The following TMPRSS11D variants were observed in gnomAD, a reference collection of about 807,000 sequenced individuals.
The protein encoded by TMPRSS11D is transmembrane protease serine 11D.
In TMPRSS11D, 32 loss-of-function variants were observed where a neutral mutation model predicts 44.4. That is an observed-to-expected ratio of 0.72 (90% CI 0.54 to 0.97). The LOEUF (loss-of-function observed/expected upper bound fraction) is 0.97. TMPRSS11D is among the 50% of genes least tolerant of loss of function. The pLI, the probability that TMPRSS11D is intolerant of heterozygous loss-of-function variation, is 0.00. For missense variants in TMPRSS11D, 446 were observed against 502.6 expected, an observed-to-expected ratio of 0.89 and a Z score of 1.08; for synonymous variants, 179 against 177.9, an observed-to-expected ratio of 1.01 and a Z score of -0.05.
At chr4:67,835,147 T>C (rs1560538774) in intron 5 of TMPRSS11D, 26 bp from the exon 6 acceptor site, 1 of 1,587,040 alleles carries the variant, frequency 6.3e-7, no homozygotes, top group South Asian at 1.1e-5. Flanking sequence ...GAGAATAAGA[T>C]AAATACAATA....
chr4:67,876,552 C>T (rs1218762910), intron 1 of TMPRSS11D, among the ~76,000 whole-genome samples: 1 of 152,056 alleles, frequency 6.6e-6, no homozygotes, highest in African/African-American at 2.4e-5. Context: ...GGAATCATAG[C>T]ATGTTAGCAA....
intron 6 of TMPRSS11D, 172 bp from the exon 7 acceptor site, chr4:67,833,553 T>A: frequency 2.0e-6 from 1 of 504,468 alleles, no homozygotes; most frequent in Non-Finnish European, 3.1e-6. Context: ...CATTTGTGAC[T>A]ACTGTTGCTT....
intron 1 of TMPRSS11D, among the ~76,000 whole-genome samples, chr4:67,860,942 G>A (rs1718779241): frequency 6.6e-6 from 1 of 152,072 alleles, no homozygotes; most frequent in Non-Finnish European, 1.5e-5. Context: ...CCTGCACATT[G>A]TATGCTGTGG....
intron 5 of TMPRSS11D, 60 bp from the exon 6 acceptor site, chr4:67,835,181 A>G (rs1718046486): frequency 6.7e-7 from 1 of 1,492,274 alleles, no homozygotes; most frequent in Admixed American, 1.7e-5. Flanking sequence ...TTTCACCATA[A>G]TTTCTTAAAG....
At chr4:67,828,635 C>T (rs1360401340) in intron 7 of TMPRSS11D, among the ~76,000 whole-genome samples, 2 of 152,160 alleles carry the variant, frequency 1.3e-5, no homozygotes, top group African/African-American at 4.8e-5. Context: ...AGATCAGCTG[C>T]ACCCAAGGTC....
intron 2 of TMPRSS11D, among the ~76,000 whole-genome samples, chr4:67,854,830 A>G (rs1344770203): frequency 6.6e-6 from 1 of 152,240 alleles, no homozygotes; most frequent in Non-Finnish European, 1.5e-5. Flanking sequence ...CTATTCTACC[A>G]AACCTTAAAA....
At position 67,838,177 on chromosome 4, in the gene TMPRSS11D, A is replaced by G; in HGVS notation, c.470T>C (p.Ile157Thr). The G allele has an allele frequency of 6.5e-7, 1 of 1,540,096 alleles. No homozygotes were observed. Among genetic ancestry groups the G allele is most frequent in the Non-Finnish European group, 8.7e-7 (1 of 1,147,032 alleles). The change falls in exon 5 of 10, where the codon ATA becomes ACA. Residue 157 changes from isoleucine to threonine, a missense_variant. Ile to Thr is a moderately conservative substitution (Grantham distance 89, BLOSUM62 -1). Coordinates refer to ENST00000283916, the MANE Select transcript of TMPRSS11D (RefSeq NM_004262.3). The part of the protein sequence containing the change: ...GNLEINPSTE[I>T]TSLTDQAAAN... ...TTATGAAAAATTATACTTACATGTT[A>G]TCTCAGTTGAAGGGTTTATTTCCAG... is the stretch of plus-strand genomic sequence containing the variant.
chr4:67,858,745 C>T (rs769736297), intron 2 of TMPRSS11D, among the ~76,000 whole-genome samples: 1 of 151,980 alleles, frequency 6.6e-6, no homozygotes, highest in Non-Finnish European at 1.5e-5. Context: ...AAAATAACCT[C>T]AAAGTGTATT....
At chr4:67,874,277 C>G (rs1476863696) in intron 1 of TMPRSS11D, among the ~76,000 whole-genome samples, 1 of 151,052 alleles carries the variant, frequency 6.6e-6, no homozygotes, top group East Asian at 2.0e-4. Context: ...GTTTCCCTGT[C>G]AAGTAACGCA....
chr4:67,827,078 A>AGCATT (rs1464973060), intron 8 of TMPRSS11D, among the ~76,000 whole-genome samples, 183 bp downstream of exon 8: 2 of 152,134 alleles, frequency 1.3e-5, no homozygotes, highest in Non-Finnish European at 2.9e-5. Context: ...TAGTTTCTGG[A>AGCATT]GCATTGCTTT....
In TMPRSS11D at chr4:67,865,339, T is replaced by C. The variant is rs192607644; in HGVS notation, c.9-5661A>G. 1.7e-3 allele frequency among the ~76,000 whole-genome samples: 256 copies of C among 151,612 alleles called. 1 individual carries two copies. The highest frequency in any genetic ancestry group is 3.0e-3 in the Admixed American group (46 of 15,216). Reference sequence around the variant, plus strand: ...AATGAATGAAAATGGAGACAAAACATACCAAACCCTCTAAAATATAGCAAA... The same window carrying C: ...AATGAATGAAAATGGAGACAAAACACACCAAACCCTCTAAAATATAGCAAA... On this transcript the variant is annotated intron_variant, in intron 1 of 9. Coordinates refer to ENST00000283916, the MANE Select transcript of TMPRSS11D (RefSeq NM_004262.3).
intron 2 of TMPRSS11D, among the ~76,000 whole-genome samples, chr4:67,857,348 T>A (rs867831793): frequency 7.6e-5 from 10 of 131,594 alleles, no homozygotes; most frequent in East Asian, 4.7e-4. Context: ...CACACACACA[T>A]ACACAATGGA....
At chr4:67,874,420 A>G (rs1719134690) in intron 1 of TMPRSS11D, among the ~76,000 whole-genome samples, 1 of 152,204 alleles carries the variant, frequency 6.6e-6, no homozygotes, top group Admixed American at 6.5e-5. Flanking sequence ...ACTCATCGTT[A>G]TCTCTACAAA....
chr4:67,867,702 T>C (rs1274042945), intron 1 of TMPRSS11D, among the ~76,000 whole-genome samples: 2 of 151,786 alleles, frequency 1.3e-5, no homozygotes, highest in Admixed American at 1.3e-4. Context: ...GACATACAAA[T>C]AGCCACAAAC....
intron 4 of TMPRSS11D, among the ~76,000 whole-genome samples, 168 bp from the exon 5 acceptor site, chr4:67,838,497 A>G (rs1718156359): frequency 6.6e-6 from 1 of 152,092 alleles, no homozygotes; most frequent in Non-Finnish European, 1.5e-5. Context: ...TCACGATGCT[A>G]TCTCACTTAT....
intron 5 of TMPRSS11D, among the ~76,000 whole-genome samples, chr4:67,836,340 A>G (rs1718088827): frequency 6.6e-6 from 1 of 152,168 alleles, no homozygotes; most frequent in African/African-American, 2.4e-5. Flanking sequence ...TCCTTGATTG[A>G]AATTTTTAAT....
intron 3 of TMPRSS11D, among the ~76,000 whole-genome samples, chr4:67,847,633 C>T (rs1718389212): frequency 6.6e-6 from 1 of 152,170 alleles, no homozygotes; most frequent in South Asian, 2.1e-4. Context: ...AGAATGTCTT[C>T]ACACATTTCA....
chr4:67,821,028 G>A lies in TMPRSS11D; in HGVS notation c.*1309C>T, dbSNP rs1391488458. 3 of 152,226 alleles carry A rather than the reference G, an allele frequency of 2.0e-5. No homozygotes were observed. Among genetic ancestry groups the A allele is most frequent in the Non-Finnish European group, 4.4e-5 (3 of 68,040 alleles). The allele number at this position is 152,226 out of a possible 1,614,324, so 9.4% of individuals were successfully genotyped here. ...AATTTTACATCAGGAAATACAAGAAGTTTTCAGCAAATGTATGGAGCAGTC... is the reference window on the plus strand; with the variant it reads ...AATTTTACATCAGGAAATACAAGAAATTTTCAGCAAATGTATGGAGCAGTC... On this transcript the variant is annotated 3_prime_UTR_variant, in exon 10 of 10. Coordinates refer to ENST00000283916, the MANE Select transcript of TMPRSS11D (RefSeq NM_004262.3).
At chr4:67,876,583 AT>A (rs370810299) in intron 1 of TMPRSS11D, among the ~76,000 whole-genome samples, 17 of 152,224 alleles carry the variant, frequency 1.1e-4, no homozygotes, top group African/African-American at 4.1e-4. Context: ...TTTCAAAAAT[AT>A]CCACTCTGAC....
Sources: allele counts gnomAD v4.1 joint callset (sites outside exome capture counted in the v4.1 genomes callset), GRCh38; gene constraint gnomAD v4.1.1; transcripts MANE v1.5; gene names NCBI Gene and HGNC (gene_info 2026-07-23, HGNC 2026-07-21).